Variants in CNTNAP2 observed in about 807,000 individuals in gnomAD.
CNTNAP2 encodes the protein contactin-associated protein-like 2.
A neutral mutation model predicts 155.2 loss-of-function variants in CNTNAP2; 98 were observed. That is an observed-to-expected ratio of 0.63 (90% CI 0.54 to 0.75). The LOEUF (loss-of-function observed/expected upper bound fraction) is 0.75. CNTNAP2 is among the 30% of genes least tolerant of loss of function. CNTNAP2 has a pLI of 0.00. For missense variants in CNTNAP2, 1,727 were observed against 1,688.1 expected (o/e 1.02, Z -0.40); for synonymous variants, 651 against 631.2 (o/e 1.03, Z -0.47).
chr7:147,568,445 A>G (rs1433951989), intron 12 of CNTNAP2, among the ~76,000 whole-genome samples: 1 of 152,138 alleles, frequency 6.6e-6, no homozygotes, highest in Non-Finnish European at 1.5e-5. Flanking sequence ...ATTATAGAGC[A>G]TTTCAAGTGC....
intron 1 of CNTNAP2, among the ~76,000 whole-genome samples, chr7:146,605,082 AAC>A (rs1346015998): frequency 2.4e-5 from 3 of 127,318 alleles, no homozygotes; most frequent in Non-Finnish European, 4.8e-5. Flanking sequence ...AATAAAAAAA[AAC>A]AACAAAAAAA....
intron 2 of CNTNAP2, among the ~76,000 whole-genome samples, chr7:146,796,775 G>T (rs1585094745): frequency 1.3e-5 from 2 of 151,846 alleles, no homozygotes; most frequent in Admixed American, 6.6e-5. Context: ...CACTTTGTGG[G>T]GATTACATAA....
intron 1 of CNTNAP2, among the ~76,000 whole-genome samples, chr7:146,165,372 G>T (rs996469498): frequency 6.6e-6 from 1 of 152,106 alleles, no homozygotes; most frequent in African/African-American, 2.4e-5. Flanking sequence ...TTGAAACGTG[G>T]AATATGTTTG....
At chr7:146,462,269 C>T (rs1796648475) in intron 1 of CNTNAP2, among the ~76,000 whole-genome samples, 1 of 152,134 alleles carries the variant, frequency 6.6e-6, no homozygotes, top group Non-Finnish European at 1.5e-5. Flanking sequence ...TTTATCAGTT[C>T]TCTTTTCTTC....
chr7:146,465,806 TG>T (rs1411920931), intron 1 of CNTNAP2, among the ~76,000 whole-genome samples: 1 of 152,194 alleles, frequency 6.6e-6, no homozygotes, highest in Non-Finnish European at 1.5e-5. Flanking sequence ...TTTATGTTGT[TG>T]TTTTTTTATA....
chr7:148,366,592 A>T, intron 21 of CNTNAP2, among the ~76,000 whole-genome samples: 1 of 152,236 alleles, frequency 6.6e-6, no homozygotes, highest in East Asian at 1.9e-4. Context: ...ACTTATACGA[A>T]TGGCAGATAG....
intron 10 of CNTNAP2, among the ~76,000 whole-genome samples, chr7:147,483,507 C>T (rs1193202811): frequency 1.3e-5 from 2 of 152,114 alleles, no homozygotes; most frequent in South Asian, 2.1e-4. Flanking sequence ...TTCTACTCTG[C>T]CCATTATTTA....
intron 21 of CNTNAP2, among the ~76,000 whole-genome samples, chr7:148,281,522 C>T (rs554668954): frequency 6.6e-6 from 1 of 152,260 alleles, no homozygotes; most frequent in Admixed American, 6.5e-5. Context: ...GAAATTATGT[C>T]CTGTTTTTCA....
intron 21 of CNTNAP2, among the ~76,000 whole-genome samples, chr7:148,280,899 A>G (rs1796963572): frequency 6.6e-6 from 1 of 150,468 alleles, no homozygotes; most frequent in South Asian, 2.2e-4. Flanking sequence ...AGCCTGGGCA[A>G]CAGAGGGAGA....
At chr7:147,753,226 C>G (rs1453746968) in intron 13 of CNTNAP2, among the ~76,000 whole-genome samples, 1 of 152,220 alleles carries the variant, frequency 6.6e-6, no homozygotes. Flanking sequence ...AAGACAAGGG[C>G]AGGCTCCTTG....
intron 13 of CNTNAP2, among the ~76,000 whole-genome samples, chr7:147,728,051 C>T (rs780271324): frequency 6.6e-6 from 1 of 151,946 alleles, no homozygotes; most frequent in East Asian, 1.9e-4. Context: ...TTGTTTTGGG[C>T]TCGCCATCCA....
At chr7:148,141,689 T>C (rs973128051) in intron 16 of CNTNAP2, among the ~76,000 whole-genome samples, 5 of 152,236 alleles carry the variant, frequency 3.3e-5, no homozygotes, top group Non-Finnish European at 7.3e-5. Flanking sequence ...CAGATAGTGA[T>C]ACATGCTATG....
rs1797562558 is a variant in CNTNAP2, at chr7:147,775,352, TATATATTTATA to T, written c.2099-128211_2099-128201del. On this transcript the variant is annotated intron_variant, in intron 13 of 23. Coordinates refer to ENST00000361727, the MANE Select transcript of CNTNAP2 (RefSeq NM_014141.6). Reference sequence around the variant, plus strand: ...ATATATTTATAAATATATATATTTATATATATTTATAAATATATATATATTTATATATATTT... The same window carrying T: ...ATATATTTATAAATATATATATTTATAATATATATATATTTATATATATTT... Among the ~76,000 whole-genome samples, 2 of 44,190 alleles carry T rather than the reference TATATATTTATA, an allele frequency of 4.5e-5. 1 individual carries two copies. The highest frequency in any genetic ancestry group is 7.6e-4 in the East Asian group (2 of 2,616). 29.0% of individuals were successfully genotyped at this position (44,190 alleles called of 152,430 possible). A position where few individuals can be genotyped will look rare whatever the true frequency, so the allele number is the denominator to read the frequency against.
intron 15 of CNTNAP2, among the ~76,000 whole-genome samples, chr7:148,055,729 ACATTGCAGTTAAGAAGGAAAAG>A (rs11274631): frequency 0.56 from 83,987 of 151,242 alleles, 23,639 homozygotes; most frequent in Admixed American, 0.61. Context: ...CCAAGTTAAC[ACATTGCAGTTAAGAAGGAAAAG>A]CATTGCAGTT....
intron 3 of CNTNAP2, among the ~76,000 whole-genome samples, chr7:147,033,957 A>G (rs994614909): frequency 6.6e-6 from 1 of 152,006 alleles, no homozygotes; most frequent in Non-Finnish European, 1.5e-5. Flanking sequence ...CAGAGTAGGG[A>G]AAAACGGCTG....
intron 21 of CNTNAP2, among the ~76,000 whole-genome samples, chr7:148,328,396 A>G (rs1797927614): frequency 6.6e-6 from 1 of 152,158 alleles, no homozygotes; most frequent in African/African-American, 2.4e-5. Context: ...TCTGGTATCA[A>G]TTGATCATTT....
At chr7:147,700,747 G>A (rs1166856347) in intron 13 of CNTNAP2, among the ~76,000 whole-genome samples, 1 of 152,188 alleles carries the variant, frequency 6.6e-6, no homozygotes, top group African/African-American at 2.4e-5. Flanking sequence ...TATAAGAGTG[G>A]TGTGAAACCA....
At position 148,230,869 on chromosome 7, in the gene CNTNAP2, T is replaced by C. The variant is rs140831792; in HGVS notation, c.3381+1090T>C. 5.4e-3 allele frequency among the ~76,000 whole-genome samples: 828 copies of C among 152,230 alleles called. 9 individuals carry two copies. The highest frequency in any genetic ancestry group is 0.019 in the African/African-American group (783 of 41,540). ...GCCCAGCACAGTACCTGGCACACAT[T>C]AGGGGTGACAAATTCTTTATGGAGT... On this transcript the variant is annotated intron_variant, in intron 20 of 23. Coordinates refer to ENST00000361727, the MANE Select transcript of CNTNAP2 (RefSeq NM_014141.6).
At chr7:146,679,786 C>A (rs1800470369) in intron 1 of CNTNAP2, among the ~76,000 whole-genome samples, 1 of 151,780 alleles carries the variant, frequency 6.6e-6, no homozygotes, top group Non-Finnish European at 1.5e-5. Flanking sequence ...GCCTGTATTC[C>A]CAATTATAGC....
Sources: allele counts gnomAD v4.1 joint callset (sites outside exome capture counted in the v4.1 genomes callset), GRCh38; gene constraint gnomAD v4.1.1; transcripts MANE v1.5; gene names NCBI Gene and HGNC (gene_info 2026-07-23, HGNC 2026-07-21).